Variants in ZNF536 observed in about 807,000 individuals in gnomAD.
ZNF536 encodes the protein zinc finger protein 536.
In ZNF536, 13 loss-of-function variants were observed where a neutral mutation model predicts 84.5. That is an observed-to-expected ratio of 0.15 (90% CI 0.10 to 0.24). The LOEUF is 0.24. Ranked by LOEUF, ZNF536 falls within the 10% of genes least tolerant of loss-of-function variation. ZNF536 has a pLI of 1.00. For missense variants in ZNF536, 1,536 were observed against 1,747.5 expected, an observed-to-expected ratio of 0.88 and a Z score of 2.16; for synonymous variants, 811 against 742.5, an observed-to-expected ratio of 1.09 and a Z score of -1.50.
At chr19:30,393,802 G>T (rs1172393110) in intron 1 of ZNF536, among the ~76,000 whole-genome samples, 1 of 152,204 alleles carries the variant, frequency 6.6e-6, no homozygotes, top group Non-Finnish European at 1.5e-5. Flanking sequence ...CGCCACAGAG[G>T]CCTTGATGAA....
chr19:30,539,842 G>C (rs1285095424), intron 3 of ZNF536, among the ~76,000 whole-genome samples: 1 of 152,194 alleles, frequency 6.6e-6, no homozygotes, highest in Non-Finnish European at 1.5e-5. Flanking sequence ...GGGACTCCTG[G>C]CTGGGTTCCC....
intron 1 of ZNF536, among the ~76,000 whole-genome samples, chr19:30,374,308 A>T (rs1600444101): frequency 6.6e-6 from 1 of 151,974 alleles, no homozygotes; most frequent in East Asian, 1.9e-4. Context: ...TAATGGAAAT[A>T]TATATATCTT....
At chr19:30,293,669 T>C (rs538293979) in intron 2 of ZNF536, among the ~76,000 whole-genome samples, 3 of 152,216 alleles carry the variant, frequency 2.0e-5, no homozygotes, top group Non-Finnish European at 4.4e-5. Flanking sequence ...TCTGGCTCGA[T>C]TCATTTTGCA....
chr19:30,671,440 C>T (rs1381069377), intron 1 of ZNF536, among the ~76,000 whole-genome samples: 1 of 152,204 alleles, frequency 6.6e-6, no homozygotes, highest in African/African-American at 2.4e-5. Context: ...TGGAGAGAGA[C>T]TGTGGCCAGG....
chr19:30,644,836 A>T (rs1415927476), intron 1 of ZNF536, among the ~76,000 whole-genome samples: 1 of 152,166 alleles, frequency 6.6e-6, no homozygotes, highest in Admixed American at 6.5e-5. Context: ...ATACGTGTGC[A>T]TGTGTTTTTA....
intron 2 of ZNF536, among the ~76,000 whole-genome samples, chr19:30,336,080 G>A (rs1403213615): frequency 6.6e-6 from 1 of 152,216 alleles, no homozygotes; most frequent in Admixed American, 6.5e-5. Context: ...AGGTAAACAA[G>A]GGAGGAGGTG....
chr19:30,580,838 T>G (rs1424083981), intron 1 of ZNF536, among the ~76,000 whole-genome samples: 1 of 152,174 alleles, frequency 6.6e-6, no homozygotes, highest in African/African-American at 2.4e-5. Flanking sequence ...TCCCTGCTGG[T>G]GACCCCACTG....
At chr19:30,513,375 G>A (rs2055498693) in intron 2 of ZNF536, among the ~76,000 whole-genome samples, 1 of 152,116 alleles carries the variant, frequency 6.6e-6, no homozygotes, top group Non-Finnish European at 1.5e-5. Context: ...CAGGTGCAAC[G>A]ACCCTGCAGG....
Position 30,287,429 on chromosome 19 carries a change from G to A in ZNF536, c.-120+3288G>A, listed in dbSNP as rs1043663290. Among the ~76,000 whole-genome samples the A allele has an allele frequency of 7.3e-5, 11 of 151,544 alleles. No individual in the cohort carries two copies. The East Asian group carries it at 7.8e-4, about 11-fold the overall frequency. On this transcript the variant is annotated intron_variant, in intron 2 of 5. Coordinates refer to the ZNF536 transcript ENST00000585628. ...TGGATGGATGGATAGATGAATAGAC[G>A]GATGGATGGGTGGATAAATGGGTGG...
chr19:30,248,225 T>TTTC lies in ZNF536; in HGVS notation c.-190+19554_-190+19555insCTT, dbSNP rs71333445. ...TCTTTCTTTCTTTTTCTTTTCTTTCTTTTTTTTTTTTTTTGCGACAGAGTC... is the reference window on the plus strand; with the variant it reads ...TCTTTCTTTCTTTTTCTTTTCTTTCTTTCTTTTTTTTTTTTTTGCGACAGAGTC... On this transcript the variant is annotated intron_variant, in intron 1 of 5. Coordinates refer to the ZNF536 transcript ENST00000585628. Among the ~76,000 whole-genome samples the TTTC allele has an allele frequency of 7.3e-3, 575 of 79,058 alleles. 7 individuals carry two copies. The highest frequency in any genetic ancestry group is 0.044 in the African/African-American group (542 of 12,328). 51.9% of individuals were successfully genotyped at this position (79,058 alleles called of 152,430 possible).
intron 2 of ZNF536, among the ~76,000 whole-genome samples, chr19:30,290,136 T>C (rs994247383): frequency 1.3e-5 from 2 of 152,256 alleles, no homozygotes; most frequent in African/African-American, 4.8e-5. Flanking sequence ...TTTAACATTT[T>C]ATGACTGGCT....
chr19:30,638,091 T>G (rs2049137501), intron 1 of ZNF536, among the ~76,000 whole-genome samples: 1 of 152,116 alleles, frequency 6.6e-6, no homozygotes, highest in African/African-American at 2.4e-5. Flanking sequence ...CAACCTGGTA[T>G]CAGCTCCAGA....
rs138241491 is a variant in ZNF536 at position 30,548,582 on chromosome 19, C to T, written c.2963C>T (p.Pro988Leu). ...LSVRPDAASL[P>L]GSSVTVQDSI... Reference sequence around the variant, plus strand: ...GTGCGGCCAGATGCCGCCTCCCTCCCGGGCTCCTCGGTAACTGTGCAGGAC... The same window carrying T: ...GTGCGGCCAGATGCCGCCTCCCTCCTGGGCTCCTCGGTAACTGTGCAGGAC... Residue 988 changes from proline to leucine, a missense_variant, in exon 4 of 5, where the codon CCG becomes CTG. By Grantham distance (98) the Pro-to-Leu change is moderately conservative. Around this residue, in one of 8 missense-constraint regions of ZNF536, gnomAD observed 624 missense variants for 603.1 expected, o/e 1.03. Transcript: ENST00000355537. The T allele has an allele frequency of 1.8e-5, 29 of 1,614,020 alleles. No homozygotes were observed. The East Asian group carries it at 2.5e-4, about 14-fold the overall frequency.
rs772436450 is a variant in ZNF536, at chr19:30,549,019, G to A, written c.3400G>A (p.Glu1134Lys). Reference sequence around the variant, plus strand: ...GGCCTCCAGTTCCTGCCCCAACAAGGAGCCTGATGGAAAGGCCCACTCTGA... The same window carrying A: ...GGCCTCCAGTTCCTGCCCCAACAAGAAGCCTGATGGAAAGGCCCACTCTGA... The part of the protein sequence containing the change: ...SGASSSCPNK[E>K]PDGKAHSEED... The change falls in exon 4 of 5, where the codon GAG becomes AAG. Residue 1134 changes from glutamate to lysine, a missense_variant. By Grantham distance (56) the Glu-to-Lys change is moderately conservative. Coordinates refer to ENST00000355537, the MANE Select transcript of ZNF536 (RefSeq NM_014717.3). The A allele has an allele frequency of 1.9e-5, 30 of 1,614,148 alleles. No individual in the cohort carries two copies. Among genetic ancestry groups the A allele is most frequent in the South Asian group, 1.8e-4 (16 of 91,076 alleles).
rs118024544 is a variant in ZNF536 at position 30,685,818 on chromosome 19, G to A, written c.170-24939G>A. 1.8e-3 allele frequency among the ~76,000 whole-genome samples: 267 copies of A among 152,282 alleles called. 5 individuals are homozygous for A. The East Asian group carries it at 0.047, about 27-fold the overall frequency. Reference sequence around the variant, plus strand: ...CTGTCAGCTCCACCACCTGCCCCACGGTCCTGCCACGTTGCTGAGATCCCA... The same window carrying A: ...CTGTCAGCTCCACCACCTGCCCCACAGTCCTGCCACGTTGCTGAGATCCCA... On this transcript the variant is annotated intron_variant, in intron 1 of 1. Transcript: ENST00000592773.
chr19:30,303,040 G>A (rs947098356), intron 2 of ZNF536, among the ~76,000 whole-genome samples: 1 of 152,244 alleles, frequency 6.6e-6, no homozygotes, highest in Non-Finnish European at 1.5e-5. Context: ...CATAGACAGG[G>A]GTGCTCAAAG....
chr19:30,445,198 C>T lies in ZNF536; in HGVS notation c.1636C>T (p.Arg546Cys), dbSNP rs1206420951. The change falls in exon 2 of 5, where the codon CGC becomes TGC. Residue 546 changes from arginine to cysteine, a missense_variant. Physicochemically the swap from Arg to Cys is radical, Grantham distance 180 (BLOSUM62 -3). Transcript: ENST00000355537. The surrounding 1 kb of genome is among the most constrained non-coding windows in gnomAD (Gnocchi z 4.5). Reference protein sequence around the residue: ...GFLSKEHPLQRNHEDTLANAG... With the variant: ...GFLSKEHPLQCNHEDTLANAG... ...CTTGTCTAAAGAGCATCCGCTGCAG[C>T]GCAACCACGAAGACACTTTGGCAAA... 1 of 1,614,162 alleles carries T rather than the reference C, an allele frequency of 6.2e-7. No homozygotes were observed. The highest frequency in any genetic ancestry group is 1.3e-5 in the African/African-American group (1 of 75,052).
chr19:30,557,380 A>C lies in ZNF536; in HGVS notation c.*216A>C. The C allele has an allele frequency of 2.2e-6, 1 of 447,864 alleles. No homozygotes were observed. The highest frequency in any genetic ancestry group is 4.0e-6 in the Non-Finnish European group (1 of 250,536). 27.7% of individuals were successfully genotyped at this position (447,864 alleles called of 1,614,324 possible). ...TCAGAGGCTAAAAATATTACCCCAT[A>C]TGTTCCAGTATTAGTCATGGATTGC... On this transcript the variant is annotated 3_prime_UTR_variant, in exon 5 of 5. Coordinates refer to ENST00000355537, the MANE Select transcript of ZNF536 (RefSeq NM_014717.3).
chr19:30,401,892 T>G (rs1202875388), intron 1 of ZNF536, among the ~76,000 whole-genome samples: 1 of 152,236 alleles, frequency 6.6e-6, no homozygotes, highest in Non-Finnish European at 1.5e-5. Flanking sequence ...TATTTGTACT[T>G]AAGAGAATCT....
Sources: allele counts gnomAD v4.1 joint callset (sites outside exome capture counted in the v4.1 genomes callset), GRCh38; gene constraint gnomAD v4.1.1; regional missense constraint gnomAD v4.1.1; non-coding constraint Gnocchi (gnomAD v3.1); transcripts MANE v1.5; gene names NCBI Gene and HGNC (gene_info 2026-07-23, HGNC 2026-07-21).